ANKRD44: variants seen among roughly 807,000 people sequenced by gnomAD.
ANKRD44 encodes serine/threonine-protein phosphatase 6 regulatory ankyrin repeat subunit B.
Under a neutral mutation model 116.0 loss-of-function variants are expected in ANKRD44, and 35 were observed. The observed-to-expected ratio is 0.30, with a 90% confidence interval of 0.23 to 0.40. The LOEUF is 0.40. Ranked by LOEUF, ANKRD44 falls within the 10% of genes least tolerant of loss-of-function variation. ANKRD44 has a pLI of 1.00. For synonymous variants in ANKRD44, 435 were observed against 461.8 expected, an observed-to-expected ratio of 0.94 and a Z score of 0.74; for missense variants, 1,014 against 1,242.6, an observed-to-expected ratio of 0.82 and a Z score of 2.77.
chr2:197,030,164 T>G (rs1412454321), intron 16 of ANKRD44: 2 of 152,558 alleles, frequency 1.3e-5, no homozygotes, highest in African/African-American at 2.4e-5. Flanking sequence ...GGGAGAGTTA[T>G]CTGGCAAAAA....
intron 4 of ANKRD44, among the ~76,000 whole-genome samples, chr2:197,132,106 GA>G (rs199573192): frequency 2.6e-5 from 4 of 151,116 alleles, no homozygotes; most frequent in Non-Finnish European, 5.9e-5. Flanking sequence ...GGAGTACACA[GA>G]AAAAAAAAGG....
intron 10 of ANKRD44, among the ~76,000 whole-genome samples, chr2:197,094,772 A>G (rs2078123813): frequency 6.6e-6 from 1 of 152,234 alleles, no homozygotes. Context: ...AATTTTATCT[A>G]TGCAATTCCA....
At chr2:197,228,965 G>A (rs2081789729) in intron 1 of ANKRD44, among the ~76,000 whole-genome samples, 1 of 152,184 alleles carries the variant, frequency 6.6e-6, no homozygotes, top group Non-Finnish European at 1.5e-5. Flanking sequence ...AACCTGGGAG[G>A]CAAAGGTTAC....
chr2:197,223,246 C>T (rs2081624610), intron 1 of ANKRD44, among the ~76,000 whole-genome samples: 1 of 152,182 alleles, frequency 6.6e-6, no homozygotes, highest in South Asian at 2.1e-4. Flanking sequence ...AAAGCCCTGG[C>T]CCCATTACCT....
At chr2:197,123,942 C>T (rs767165518) in intron 6 of ANKRD44, among the ~76,000 whole-genome samples, 28 of 152,156 alleles carry the variant, frequency 1.8e-4, no homozygotes, top group Non-Finnish European at 2.9e-4. Context: ...TGACAGCACA[C>T]AAAACAATGA....
intron 1 of ANKRD44, among the ~76,000 whole-genome samples, chr2:197,228,089 C>T (rs1421960600): frequency 6.6e-6 from 1 of 152,152 alleles, no homozygotes; most frequent in African/African-American, 2.4e-5. Context: ...TGTCAGTTTC[C>T]CTCTCTGAGC....
At chr2:197,146,872 C>T (rs1414309007) in intron 3 of ANKRD44, among the ~76,000 whole-genome samples, 155 bp downstream of exon 3, 1 of 152,116 alleles carries the variant, frequency 6.6e-6, no homozygotes, top group Non-Finnish European at 1.5e-5. Flanking sequence ...CAACTTCTTG[C>T]ATTTTTCTTT....
intron 3 of ANKRD44, among the ~76,000 whole-genome samples, chr2:197,139,080 C>G (rs2079292570): frequency 6.6e-6 from 1 of 151,840 alleles, no homozygotes; most frequent in Non-Finnish European, 1.5e-5. Context: ...ATACAGCTGG[C>G]AAGAGTGTGA....
At chr2:197,076,381 C>G (rs1454763541) in intron 16 of ANKRD44, among the ~76,000 whole-genome samples, 2 of 152,064 alleles carry the variant, frequency 1.3e-5, no homozygotes, top group Non-Finnish European at 2.9e-5. Context: ...ACATCTAATA[C>G]CCAAGGAAAT....
At chr2:196,981,347 G>C (rs2075799892) in intron 21 of ANKRD44, among the ~76,000 whole-genome samples, 1 of 152,146 alleles carries the variant, frequency 6.6e-6, no homozygotes, top group Non-Finnish European at 1.5e-5. Flanking sequence ...AAATTCCACT[G>C]TCTTCTTACT....
chr2:197,215,419 C>G (rs1311007109), intron 1 of ANKRD44, among the ~76,000 whole-genome samples: 1 of 152,174 alleles, frequency 6.6e-6, no homozygotes, highest in African/African-American at 2.4e-5. Flanking sequence ...ATGAGGTTCT[C>G]TCAGTGCAGG....
chr2:197,310,294 C>T (rs1337964823), intron 1 of ANKRD44, among the ~76,000 whole-genome samples: 1 of 149,152 alleles, frequency 6.7e-6, no homozygotes, highest in Non-Finnish European at 1.5e-5. Context: ...CTCCCCAGCC[C>T]CGCCGGGCCC....
intron 1 of ANKRD44, among the ~76,000 whole-genome samples, chr2:197,250,611 A>T (rs1473961225): frequency 6.6e-6 from 1 of 152,224 alleles, no homozygotes; most frequent in Non-Finnish European, 1.5e-5. Flanking sequence ...TGTTGAGCAC[A>T]TCTAGTACCA....
At chr2:197,125,351 T>C in intron 6 of ANKRD44, 30 bp downstream of exon 6, 1 of 1,592,160 alleles carries the variant, frequency 6.3e-7, no homozygotes, top group South Asian at 1.1e-5. Context: ...AGGTTATCTG[T>C]ACTTTGCTTT....
intron 17 of ANKRD44, chr2:197,014,866 T>A: frequency 6.5e-6 from 1 of 154,562 alleles, no homozygotes; most frequent in Middle Eastern, 3.4e-3. Flanking sequence ...TTATTGAGTC[T>A]ATAAGTTAAA....
At chr2:196,970,545 C>T (rs187066677) in intron 21 of ANKRD44, among the ~76,000 whole-genome samples, 17 of 152,226 alleles carry the variant, frequency 1.1e-4, no homozygotes, top group African/African-American at 4.1e-4. Context: ...AGAACTGGTT[C>T]TACTGAACAG....
Position 197,121,425 on chromosome 2 carries a change from A to C in ANKRD44, c.813T>G (p.Asn271Lys), listed in dbSNP as rs200689559. 3 of 1,614,096 alleles carry C rather than the reference A, an allele frequency of 1.9e-6. No homozygotes were observed. The highest frequency in any genetic ancestry group is 4.5e-5 in the East Asian group (2 of 44,898). ...CAGCAAAATGCAAAGGGGTGAACCC[A>C]TTATTGTTTGGCTGGTTCACGTTAG... Reference protein sequence around the residue: ...YGANVNQPNNNGFTPLHFAAA... With the variant: ...YGANVNQPNNKGFTPLHFAAA... Residue 271 changes from asparagine to lysine, a missense_variant, in exon 8 of 28, where the codon AAT becomes AAG. By Grantham distance (94) the Asn-to-Lys change is moderately conservative. Coordinates refer to ENST00000282272, the MANE Select transcript of ANKRD44 (RefSeq NM_001195144.2).
intron 2 of ANKRD44, among the ~76,000 whole-genome samples, chr2:197,171,822 C>A (rs1482553728): frequency 6.6e-6 from 1 of 152,108 alleles, no homozygotes; most frequent in Admixed American, 6.5e-5. Flanking sequence ...AGTCTCTTAA[C>A]TCTGCTTAAT....
chr2:197,129,791 T>C (rs1447203563), intron 4 of ANKRD44, among the ~76,000 whole-genome samples: 3 of 152,190 alleles, frequency 2.0e-5, no homozygotes, highest in Non-Finnish European at 4.4e-5. Flanking sequence ...ATCCTTAATA[T>C]TTGTTTCTTT....
Sources: allele counts gnomAD v4.1 joint callset (sites outside exome capture counted in the v4.1 genomes callset), GRCh38; gene constraint gnomAD v4.1.1; transcripts MANE v1.5; gene names NCBI Gene and HGNC (gene_info 2026-07-23, HGNC 2026-07-21).